Variants in UBASH3B observed in about 807,000 individuals in gnomAD.
UBASH3B encodes the protein ubiquitin associated and SH3 domain containing B.
In UBASH3B, 37 loss-of-function variants were observed where a neutral mutation model predicts 83.4. That is an observed-to-expected ratio of 0.44 (90% CI 0.34 to 0.58). The LOEUF (loss-of-function observed/expected upper bound fraction) is 0.58, where lower values mean the gene tolerates loss of function less well. UBASH3B is among the 20% of genes least tolerant of loss of function. UBASH3B has a pLI of 0.01. For synonymous variants in UBASH3B, 304 were observed against 318.3 expected (o/e 0.96, Z 0.48); for missense variants, 657 against 827.2 (o/e 0.79, Z 2.52).
chr11:122,667,293 G>A (rs578051413), intron 1 of UBASH3B, among the ~76,000 whole-genome samples: 8 of 152,030 alleles, frequency 5.3e-5, no homozygotes, highest in East Asian at 1.9e-4. Context: ...GTGATCACCC[G>A]CCTCAGCCTC....
rs1156353028 is a variant in UBASH3B, at chr11:122,806,893, T to G, written c.1702+377T>G. Among the ~76,000 whole-genome samples the G allele has an allele frequency of 2.0e-5, 3 of 152,124 alleles. No homozygotes were observed. Among genetic ancestry groups the G allele is most frequent in the African/African-American group, 7.2e-5 (3 of 41,424 alleles). ...CACACCTACACAAACACATACACCTTCCCTGCTATCACCAACCAAGAGCAG... is the reference window on the plus strand; with the variant it reads ...CACACCTACACAAACACATACACCTGCCCTGCTATCACCAACCAAGAGCAG... On this transcript the variant is annotated intron_variant, in intron 12 of 13. Transcript: ENST00000284273. The surrounding 1 kb of genome is among the most constrained non-coding windows in gnomAD (Gnocchi z 4.0).
At chr11:122,752,213 T>C (rs1407989298) in intron 1 of UBASH3B, among the ~76,000 whole-genome samples, 2 of 151,870 alleles carry the variant, frequency 1.3e-5, no homozygotes, top group Non-Finnish European at 2.9e-5. Context: ...TCCATCCCCA[T>C]CCCTCCCCAT....
chr11:122,805,554 A>G (rs1383337809), intron 11 of UBASH3B, among the ~76,000 whole-genome samples: 15 of 152,122 alleles, frequency 9.9e-5, no homozygotes, highest in Non-Finnish European at 1.3e-4. Context: ...AACAACAACA[A>G]CAAAAAACAA....
chr11:122,702,065 T>G (rs1864045621), intron 1 of UBASH3B, among the ~76,000 whole-genome samples: 1 of 152,180 alleles, frequency 6.6e-6, no homozygotes, highest in Non-Finnish European at 1.5e-5. Context: ...CGACCGTTTC[T>G]TTGAGGACAG....
intron 4 of UBASH3B, among the ~76,000 whole-genome samples, chr11:122,781,990 C>G (rs1860863754): frequency 6.6e-6 from 1 of 152,168 alleles, no homozygotes; most frequent in African/African-American, 2.4e-5. Context: ...GTGACTTGAC[C>G]AAGTTCCTTA....
intron 1 of UBASH3B, among the ~76,000 whole-genome samples, chr11:122,659,659 T>C (rs1478485145): frequency 1.3e-5 from 2 of 152,214 alleles, no homozygotes; most frequent in Non-Finnish European, 2.9e-5. Flanking sequence ...CTGAGCATAA[T>C]GAAAATCCAA....
intron 5 of UBASH3B, among the ~76,000 whole-genome samples, chr11:122,787,297 G>T (rs1860972506): frequency 6.6e-6 from 1 of 152,116 alleles, no homozygotes; most frequent in African/African-American, 2.4e-5. Flanking sequence ...AACCTTCCTG[G>T]CTTGTTTGGG....
chr11:122,698,602 C>A (rs1165832570), intron 1 of UBASH3B, among the ~76,000 whole-genome samples: 1 of 152,088 alleles, frequency 6.6e-6, no homozygotes, highest in Non-Finnish European at 1.5e-5. Context: ...TGTGAGGATA[C>A]TAGAAACCAG....
At chr11:122,669,105 A>G (rs1056798714) in intron 1 of UBASH3B, among the ~76,000 whole-genome samples, 1 of 152,254 alleles carries the variant, frequency 6.6e-6, no homozygotes, top group Non-Finnish European at 1.5e-5. Context: ...CATGTGTAGT[A>G]GCTTCCTATG....
In UBASH3B at chr11:122,777,225, C is replaced by T; in HGVS notation, c.402+15C>T. 6.2e-7 allele frequency: 1 copy of T among 1,600,644 alleles called. No homozygotes were observed. The highest frequency in any genetic ancestry group is 8.5e-7 in the Non-Finnish European group (1 of 1,172,320). On this transcript the variant is annotated intron_variant, in intron 3 of 13. Transcript: ENST00000284273. ...AGTTCTTTATGGTGAGCGGCAGCGC[C>T]CCCACCCCTGGGAAGCCTGGCTCCT...
intron 1 of UBASH3B, among the ~76,000 whole-genome samples, chr11:122,666,574 A>G (rs1863522660): frequency 6.6e-6 from 1 of 151,760 alleles, no homozygotes; most frequent in African/African-American, 2.4e-5. Context: ...GCGCGCCTCC[A>G]TGCTCAGCTG....
In UBASH3B at chr11:122,809,762, G is replaced by T; in HGVS notation, c.1826G>T (p.Gly609Val). 6.2e-7 allele frequency: 1 copy of T among 1,614,058 alleles called. No individual in the cohort carries two copies. The highest frequency in any genetic ancestry group is 8.5e-7 in the Non-Finnish European group (1 of 1,180,004). Reference sequence around the variant, plus strand: ...CTCTTACTTCAGATCCCATATCTGGGATTTTGTTCCTGTGAAGAATTAGGA... The same window carrying T: ...CTCTTACTTCAGATCCCATATCTGGTATTTTGTTCCTGTGAAGAATTAGGA... ...VQMVRKIPYL[G>V]FCSCEELGET... The change falls in exon 14 of 14, where the codon GGA (glycine) becomes GTA (valine). Residue 609 changes from glycine to valine, a missense_variant. By Grantham distance (109) the Gly-to-Val change is moderately radical. Coordinates refer to ENST00000284273, the MANE Select transcript of UBASH3B (RefSeq NM_032873.5).
Position 122,799,741 on chromosome 11 carries a change from T to G in UBASH3B, c.1450+707T>G, listed in dbSNP as rs934860536. Among the ~76,000 whole-genome samples the G allele has an allele frequency of 5.9e-5, 9 of 152,224 alleles. No individual in the cohort carries two copies. The East Asian group carries it at 1.7e-3, about 29-fold the overall frequency. ...CTTAATCATCATTTTTTTCTTTACT[T>G]AATTAGAAAGACTTTAAAAGCACCA... On this transcript the variant is annotated intron_variant, in intron 10 of 13. Coordinates refer to ENST00000284273, the MANE Select transcript of UBASH3B (RefSeq NM_032873.5).
At chr11:122,699,130 G>A (rs565949195) in intron 1 of UBASH3B, among the ~76,000 whole-genome samples, 2 of 152,298 alleles carry the variant, frequency 1.3e-5, no homozygotes, top group East Asian at 1.9e-4. Context: ...GATTCCAGGC[G>A]TGAGCCACTG....
chr11:122,711,531 C>T (rs1864191535), intron 1 of UBASH3B, among the ~76,000 whole-genome samples: 1 of 152,200 alleles, frequency 6.6e-6, no homozygotes, highest in African/African-American at 2.4e-5. Flanking sequence ...GCACTGGCAG[C>T]CTTTAAGTGC....
At chr11:122,777,798 C>T (rs1565561428) in intron 3 of UBASH3B, among the ~76,000 whole-genome samples, 1 of 152,120 alleles carries the variant, frequency 6.6e-6, no homozygotes, top group African/African-American at 2.4e-5. Context: ...AGCATGATCT[C>T]GGCTCACTGC....
intron 5 of UBASH3B, among the ~76,000 whole-genome samples, chr11:122,787,397 G>T (rs191480040): frequency 6.6e-6 from 1 of 152,296 alleles, no homozygotes; most frequent in Admixed American, 6.5e-5. Flanking sequence ...AGATGCTGAA[G>T]TCAGAATTAG....
intron 8 of UBASH3B, 69 bp downstream of exon 8, chr11:122,796,345 A>G (rs1320093000): frequency 6.3e-7 from 1 of 1,580,172 alleles, no homozygotes; most frequent in Non-Finnish European, 8.6e-7. Context: ...CAGTCAAGCT[A>G]CAGTTATCTA....
intron 1 of UBASH3B, among the ~76,000 whole-genome samples, chr11:122,731,749 C>T (rs1057444886): frequency 5.3e-5 from 8 of 152,204 alleles, no homozygotes; most frequent in African/African-American, 1.7e-4. Context: ...TTTTGGACCA[C>T]AGTTGACCAC....
Sources: gnomAD v4.1 joint callset for allele counts (sites outside exome capture counted in the v4.1 genomes callset) on GRCh38, gnomAD v4.1.1 for gene constraint, Gnocchi (gnomAD v3.1) non-coding constraint, MANE v1.5 for transcripts, NCBI Gene and HGNC (gene_info 2026-07-23, HGNC 2026-07-21) for gene names.